The following LRBA variants were observed in gnomAD, a reference collection of about 807,000 sequenced individuals.
LRBA encodes lipopolysaccharide-responsive and beige-like anchor protein.
LRBA carries 176 observed loss-of-function variants against 330.0 expected under a neutral mutation model. The ratio of observed to expected loss-of-function variants is 0.53; its 90% CI spans 0.47 to 0.60. The LOEUF (loss-of-function observed/expected upper bound fraction) is 0.60. Among genes scored for constraint, LRBA ranks in the 20% least tolerant of loss-of-function variants. The pLI is 0.00. For missense variants in LRBA, 3,259 were observed against 3,444.8 expected (o/e 0.95, Z 1.35); for synonymous variants, 1,230 against 1,193.0 (o/e 1.03, Z -0.64).
chr4:150,335,461 ATG>A lies in LRBA; in HGVS notation c.7363-9565_7363-9564del, dbSNP rs202061412. Among the ~76,000 whole-genome samples, 885 of 140,750 alleles carry A rather than the reference ATG, an allele frequency of 6.3e-3. 9 individuals carry two copies. The highest frequency in any genetic ancestry group is 0.019 in the African/African-American group (735 of 38,464). 92.3% of individuals were successfully genotyped at this position (140,750 alleles called of 152,430 possible). A position where few individuals can be genotyped will look rare whatever the true frequency, so the allele number is the denominator to read the frequency against. ...TATATACACGTATATATGTGTATAT[ATG>A]TGTATATATATACGTATATATGTGT... On this transcript the variant is annotated intron_variant, in intron 48 of 56. Transcript: ENST00000651943.
At chr4:150,595,799 TAA>T (rs749284808) in intron 38 of LRBA, among the ~76,000 whole-genome samples, 15 of 151,920 alleles carry the variant, frequency 9.9e-5, no homozygotes, top group Non-Finnish European at 1.5e-5. Flanking sequence ...CTGTAAAGAA[TAA>T]AGTTAGACTA....
chr4:150,603,827 T>C (rs1774359826), intron 37 of LRBA, among the ~76,000 whole-genome samples: 1 of 152,124 alleles, frequency 6.6e-6, no homozygotes, highest in Admixed American at 6.5e-5. Flanking sequence ...ACATAGAATA[T>C]ATGTTTTATG....
At chr4:150,459,003 T>C (rs1754428938) in intron 44 of LRBA, among the ~76,000 whole-genome samples, 1 of 151,962 alleles carries the variant, frequency 6.6e-6, no homozygotes, top group Non-Finnish European at 1.5e-5. Context: ...ACTGGTAGAC[T>C]TCACTGAAGG....
chr4:150,395,958 T>G (rs184710926), intron 47 of LRBA, among the ~76,000 whole-genome samples: 1 of 152,296 alleles, frequency 6.6e-6, no homozygotes, highest in Non-Finnish European at 1.5e-5. Context: ...CTCAGCATCT[T>G]TCCCCCGTAG....
chr4:150,547,320 C>G (rs947269622), intron 40 of LRBA, among the ~76,000 whole-genome samples: 3 of 151,992 alleles, frequency 2.0e-5, no homozygotes, highest in Non-Finnish European at 4.4e-5. Context: ...AAGAAAAATG[C>G]GACAAAACAC....
chr4:150,536,467 G>A (rs542122000), intron 40 of LRBA, among the ~76,000 whole-genome samples: 396 of 152,156 alleles, frequency 2.6e-3, no homozygotes, highest in African/African-American at 8.9e-3. Context: ...TTTCAATTGC[G>A]GTCGATTTTG....
intron 2 of LRBA, among the ~76,000 whole-genome samples, chr4:151,000,555 C>T (rs1316300201): frequency 6.6e-6 from 1 of 152,146 alleles, no homozygotes; most frequent in Admixed American, 6.6e-5. Flanking sequence ...AGGGTAGTCA[C>T]TTAGTAAAGT....
intron 31 of LRBA, among the ~76,000 whole-genome samples, chr4:150,814,934 A>G (rs1425101674): frequency 6.6e-6 from 1 of 152,062 alleles, no homozygotes; most frequent in Non-Finnish European, 1.5e-5. Flanking sequence ...AGAGAAATGT[A>G]TAATACTGTT....
intron 53 of LRBA, among the ~76,000 whole-genome samples, chr4:150,290,710 G>A (rs931643551): frequency 3.9e-5 from 6 of 152,114 alleles, no homozygotes; most frequent in Non-Finnish European, 5.9e-5. Flanking sequence ...AGGCTGAAAA[G>A]GATACCCAGT....
chr4:150,551,496 T>C lies in LRBA; in HGVS notation c.6330+36552A>G, dbSNP rs188183642. ...GAGTCTGAGACCAGCCTGGGCAACATAGTGAAATCCTGTCTCTACAAAAAA... is the reference window on the plus strand; with the variant it reads ...GAGTCTGAGACCAGCCTGGGCAACACAGTGAAATCCTGTCTCTACAAAAAA... On this transcript the variant is annotated intron_variant, in intron 40 of 56. Coordinates refer to ENST00000651943, the MANE Select transcript of LRBA (RefSeq NM_001364905.1). Among the ~76,000 whole-genome samples, 7 of 151,860 alleles carry C rather than the reference T, an allele frequency of 4.6e-5. No individual in the cohort carries two copies. In the South Asian group the frequency reaches 1.2e-3, roughly 27 times the overall value.
At chr4:150,834,883 C>A (rs952630010) in intron 28 of LRBA, among the ~76,000 whole-genome samples, 1 of 152,090 alleles carries the variant, frequency 6.6e-6, no homozygotes, top group African/African-American at 2.4e-5. Context: ...CTTGCCCATG[C>A]CTGTGTCCTG....
At chr4:150,774,725 G>A (rs1737035654) in intron 34 of LRBA, among the ~76,000 whole-genome samples, 1 of 152,196 alleles carries the variant, frequency 6.6e-6, no homozygotes, top group East Asian at 1.9e-4. Context: ...ACCTTGTACT[G>A]GTCATGAGAA....
At chr4:150,359,434 A>G (rs1477260723) in intron 47 of LRBA, among the ~76,000 whole-genome samples, 1 of 152,216 alleles carries the variant, frequency 6.6e-6, no homozygotes, top group Non-Finnish European at 1.5e-5. Flanking sequence ...GACAGAGTTC[A>G]GAAAGATTTA....
intron 55 of LRBA, among the ~76,000 whole-genome samples, chr4:150,281,682 G>A (rs1025989534): frequency 5.3e-5 from 8 of 152,034 alleles, no homozygotes; most frequent in Admixed American, 2.6e-4. Context: ...CACATGCCCC[G>A]CCCTCCAGCC....
intron 44 of LRBA, among the ~76,000 whole-genome samples, chr4:150,449,976 C>A (rs1369237933): frequency 6.6e-6 from 1 of 152,042 alleles, no homozygotes; most frequent in African/African-American, 2.4e-5. Context: ...ATGACCTCAA[C>A]ACCCCAATTA....
rs912791642 is a variant in LRBA at position 150,821,405 on chromosome 4, T to C, written c.5172-4148A>G. On this transcript the variant is annotated intron_variant, in intron 30 of 56. Coordinates refer to ENST00000651943, the MANE Select transcript of LRBA (RefSeq NM_001364905.1). ...CAACCCTTGAGATTAGTAGTACATA[T>C]TATTATGCTAATTTTACAAATGAGA... is the stretch of plus-strand genomic sequence containing the variant. 2.0e-5 allele frequency among the ~76,000 whole-genome samples: 3 copies of C among 152,262 alleles called. No homozygotes were observed. In the South Asian group the frequency reaches 6.2e-4, roughly 32 times the overall value.
chr4:150,642,342 G>T (rs1778763230), intron 37 of LRBA, among the ~76,000 whole-genome samples: 1 of 151,828 alleles, frequency 6.6e-6, no homozygotes, highest in Admixed American at 6.6e-5. Context: ...AAAAAAGAAA[G>T]ATAAAGATAA....
intron 37 of LRBA, among the ~76,000 whole-genome samples, chr4:150,661,593 A>G (rs1581969407): frequency 6.6e-6 from 1 of 151,924 alleles, no homozygotes; most frequent in African/African-American, 2.4e-5. Context: ...AATTGTCTTA[A>G]AACAGTGCAT....
intron 17 of LRBA, among the ~76,000 whole-genome samples, chr4:150,881,828 T>C (rs1278380419): frequency 3.3e-5 from 5 of 152,208 alleles, no homozygotes; most frequent in Non-Finnish European, 7.3e-5. Flanking sequence ...GGCTCACACC[T>C]GTAATCCCAG....
Sources: allele counts gnomAD v4.1 joint callset (sites outside exome capture counted in the v4.1 genomes callset), GRCh38; gene constraint gnomAD v4.1.1; transcripts MANE v1.5; gene names NCBI Gene and HGNC (gene_info 2026-07-23, HGNC 2026-07-21).